Variants in MARCHF3 observed in about 807,000 individuals in gnomAD.
MARCHF3 encodes E3 ubiquitin-protein ligase MARCHF3.
In MARCHF3, 13 loss-of-function variants were observed where a neutral mutation model predicts 24.2. That is an observed-to-expected ratio of 0.54 (90% CI 0.35 to 0.85). MARCHF3 has a LOEUF of 0.85. MARCHF3 is among the 40% of genes least tolerant of loss of function. The probability of loss-of-function intolerance (pLI) is 0.01; values close to 1 mark genes in which losing one functional copy is unlikely to be tolerated. For missense variants in MARCHF3, 276 were observed against 325.0 expected (o/e 0.85, Z 1.16); for synonymous variants, 144 against 137.3 (o/e 1.05, Z -0.34).
At chr5:127,006,454 C>A (rs1489059294) in intron 1 of MARCHF3, among the ~76,000 whole-genome samples, 2 of 152,126 alleles carry the variant, frequency 1.3e-5, no homozygotes, top group African/African-American at 4.8e-5. Context: ...TAAACATTTA[C>A]AAACATTTTT....
At position 126,895,055 on chromosome 5, in the gene MARCHF3, T is replaced by TCATTTCATC. The variant is rs572840391; in HGVS notation, c.394-16670_394-16662dup. ...AACTTCCCTTCTCGCTTCATTTCAT[T>TCATTTCATC]CATTTCATCTTCCATTGCTGATGCC... On this transcript the variant is annotated intron_variant, in intron 3 of 4. Coordinates refer to ENST00000308660, the MANE Select transcript of MARCHF3 (RefSeq NM_178450.5). Among the ~76,000 whole-genome samples the TCATTTCATC allele has an allele frequency of 2.7e-4, 41 of 152,214 alleles. No individual in the cohort carries two copies. The South Asian group carries it at 7.9e-3, about 29-fold the overall frequency.
At chr5:126,962,828 TGTGTGC>T (rs1211617601) in intron 1 of MARCHF3, among the ~76,000 whole-genome samples, 5 of 81,586 alleles carry the variant, frequency 6.1e-5, no homozygotes, top group African/African-American at 1.5e-4. Context: ...TGTGTGTGTG[TGTGTGC>T]GTGTGTGTGT....
At chr5:126,895,875 T>G (rs1022091177) in intron 3 of MARCHF3, among the ~76,000 whole-genome samples, 1 of 152,178 alleles carries the variant, frequency 6.6e-6, no homozygotes, top group South Asian at 2.1e-4. Flanking sequence ...GTTTACCTAA[T>G]CAAGCCTGGG....
chr5:126,946,327 G>A (rs375898333), intron 1 of MARCHF3: 3 of 141,190 alleles, frequency 2.1e-5, no homozygotes, highest in African/African-American at 2.6e-5. Flanking sequence ...AGCCGTGATC[G>A]TGTCACTGTA....
At chr5:127,009,132 TG>T (rs1401570501) in intron 1 of MARCHF3, among the ~76,000 whole-genome samples, 1 of 152,176 alleles carries the variant, frequency 6.6e-6, no homozygotes, top group African/African-American at 2.4e-5. Context: ...GCTTCTCTCC[TG>T]TTCTTATAAG....
chr5:126,964,471 C>T (rs898715708), intron 1 of MARCHF3, among the ~76,000 whole-genome samples: 1 of 152,040 alleles, frequency 6.6e-6, no homozygotes, highest in African/African-American at 2.4e-5. Context: ...GCCCTAAGAG[C>T]AAGTGCAAAT....
chr5:126,899,776 T>C (rs1036377333), intron 3 of MARCHF3, among the ~76,000 whole-genome samples: 22 of 152,068 alleles, frequency 1.4e-4, no homozygotes, highest in Non-Finnish European at 1.5e-5. Context: ...TTAGAGCAGT[T>C]TTTGGTTCAC....
intron 1 of MARCHF3, among the ~76,000 whole-genome samples, chr5:126,952,375 G>T (rs1194909591): frequency 6.6e-6 from 1 of 152,030 alleles, no homozygotes; most frequent in Admixed American, 6.6e-5. Flanking sequence ...TCATAATAAT[G>T]CAAATTCACT....
chr5:126,921,920 A>G (rs1378154902), intron 1 of MARCHF3, among the ~76,000 whole-genome samples: 2 of 152,234 alleles, frequency 1.3e-5, no homozygotes, highest in East Asian at 1.9e-4. Context: ...GGGCAAATAA[A>G]TGAAAGCCTG....
At chr5:126,911,220 T>G (rs1754519028) in intron 3 of MARCHF3, among the ~76,000 whole-genome samples, 1 of 152,208 alleles carries the variant, frequency 6.6e-6, no homozygotes, top group African/African-American at 2.4e-5. Flanking sequence ...TCCATTTGCC[T>G]TGTGATATTC....
intron 3 of MARCHF3, among the ~76,000 whole-genome samples, chr5:126,898,113 G>T (rs1753986272): frequency 5.3e-5 from 8 of 151,998 alleles, no homozygotes; most frequent in Admixed American, 5.3e-4. Context: ...TGATGAAAAT[G>T]TTCTAAAATC....
chr5:126,928,213 C>T (rs142582948), intron 1 of MARCHF3, among the ~76,000 whole-genome samples: 8 of 152,264 alleles, frequency 5.3e-5, no homozygotes, highest in South Asian at 4.1e-4. Context: ...TTCCTGAGGA[C>T]GGTGTTTTAT....
At position 126,989,182 on chromosome 5, in the gene MARCHF3, G is replaced by T. The variant is rs190794103; in HGVS notation, c.-57+41168C>A. 2.0e-3 allele frequency among the ~76,000 whole-genome samples: 308 copies of T among 152,198 alleles called. 1 individual carries two copies. Among genetic ancestry groups the T allele is most frequent in the African/African-American group, 7.0e-3 (292 of 41,504 alleles). On this transcript the variant is annotated intron_variant, in intron 1 of 4. Coordinates refer to ENST00000308660, the MANE Select transcript of MARCHF3 (RefSeq NM_178450.5). ...TACTCCCAGCTACTCAGGAAGCTGA[G>T]GTGGGAGGATTGCTTGAGCCTAGGT...
At position 126,942,293 on chromosome 5, in the gene MARCHF3, A is replaced by C. The variant is rs541981006; in HGVS notation, c.-56-24066T>G. 1.4e-4 allele frequency among the ~76,000 whole-genome samples: 21 copies of C among 152,358 alleles called. 1 individual carries two copies. The highest frequency in any genetic ancestry group is 2.4e-4 in the Non-Finnish European group (16 of 68,032). On this transcript the variant is annotated intron_variant, in intron 1 of 4. Coordinates refer to ENST00000308660, the MANE Select transcript of MARCHF3 (RefSeq NM_178450.5). ...AGATAGTAAATATTTTAGGCTTGGC[A>C]GACCAAACAGTCTGTCACAACTACT... is the stretch of plus-strand genomic sequence containing the variant.
At position 126,937,513 on chromosome 5, in the gene MARCHF3, C is replaced by T. The variant is rs141277629; in HGVS notation, c.-56-19286G>A. On this transcript the variant is annotated intron_variant, in intron 1 of 4. Coordinates refer to ENST00000308660, the MANE Select transcript of MARCHF3 (RefSeq NM_178450.5). ...AATTTATATATCCAAATTGTCCAGA[C>T]AGCAATTGTATATTTAGACCATGGG... Among the ~76,000 whole-genome samples, 13 of 152,302 alleles carry T rather than the reference C, an allele frequency of 8.5e-5. No individual in the cohort carries two copies. In the East Asian group the frequency reaches 2.5e-3, roughly 29 times the overall value.
intron 3 of MARCHF3, among the ~76,000 whole-genome samples, chr5:126,906,796 GT>G (rs1318467149): frequency 6.6e-6 from 1 of 152,054 alleles, no homozygotes; most frequent in Non-Finnish European, 1.5e-5. Context: ...TTTTTGAAAG[GT>G]TTTTTGTGTC....
intron 3 of MARCHF3, 48 bp downstream of exon 3, chr5:126,914,882 C>A: frequency 6.3e-7 from 1 of 1,589,904 alleles, no homozygotes; most frequent in South Asian, 1.1e-5. Context: ...AAACAGACAT[C>A]ATTTGCTCAT....
chr5:127,023,910 A>C (rs1034695957), intron 1 of MARCHF3, among the ~76,000 whole-genome samples: 1 of 152,186 alleles, frequency 6.6e-6, no homozygotes, highest in Non-Finnish European at 1.5e-5. Context: ...CCACAGCCAA[A>C]GCTTAGTCAC....
intron 2 of MARCHF3, among the ~76,000 whole-genome samples, chr5:126,916,688 G>GACACACACACACACACACAC (rs756972169): frequency 2.1e-4 from 16 of 76,504 alleles, no homozygotes; most frequent in African/African-American, 5.2e-4. Context: ...CAGACAGACA[G>GACACACACACACACACACAC]ACAGACACAC....
Sources: gnomAD v4.1 joint callset for allele counts (sites outside exome capture counted in the v4.1 genomes callset) on GRCh38, gnomAD v4.1.1 for gene constraint, MANE v1.5 for transcripts, NCBI Gene and HGNC (gene_info 2026-07-23, HGNC 2026-07-21) for gene names.